The following CHCHD3 variants were observed in gnomAD, a reference collection of about 807,000 sequenced individuals.
CHCHD3 encodes the protein MICOS complex subunit MIC19.
Under a neutral mutation model 38.2 loss-of-function variants are expected in CHCHD3, and 20 were observed. The ratio of observed to expected loss-of-function variants is 0.52; its 90% CI spans 0.37 to 0.76. The LOEUF is 0.76. Ranked by LOEUF, CHCHD3 falls within the 30% of genes least tolerant of loss-of-function variation. CHCHD3 has a pLI of 0.00. For missense variants in CHCHD3, 245 were observed against 279.2 expected (o/e 0.88, Z 0.87); for synonymous variants, 82 against 100.0 (o/e 0.82, Z 1.07).
intron 4 of CHCHD3, among the ~76,000 whole-genome samples, chr7:132,960,081 G>C (rs1395273882): frequency 6.6e-6 from 1 of 152,144 alleles, no homozygotes; most frequent in Admixed American, 6.5e-5. Context: ...ATTGACGGAG[G>C]CTTTTTCACT....
chr7:132,978,477 AG>A (rs1472186044), intron 3 of CHCHD3, among the ~76,000 whole-genome samples: 6 of 152,186 alleles, frequency 3.9e-5, no homozygotes, highest in Non-Finnish European at 7.3e-5. Context: ...TACTTATAAA[AG>A]TGCCTGCCAC....
At chr7:132,947,738 C>G (rs560037066) in intron 4 of CHCHD3, among the ~76,000 whole-genome samples, 7 of 151,760 alleles carry the variant, frequency 4.6e-5, no homozygotes, top group African/African-American at 1.7e-4. Context: ...TAGATGATGA[C>G]TATGTTTAAA....
At position 132,885,656 on chromosome 7, in the gene CHCHD3, T is replaced by C. The variant is rs1310413040; in HGVS notation, c.453+6A>G. ...TAATAGAATCAATGATAAAAAATAG[T>C]CATACCCTCTCCTCCAGTCTAGCCA... On this transcript the variant is annotated splice_donor_region_variant and intron_variant, in intron 5 of 7. Transcript: ENST00000262570. 6.3e-7 allele frequency: 1 copy of C among 1,595,546 alleles called. No individual in the cohort carries two copies. The highest frequency in any genetic ancestry group is 2.3e-5 in the East Asian group (1 of 44,012).
At chr7:132,973,038 T>A in intron 4 of CHCHD3, 5 of 985,378 alleles carry the variant, frequency 5.1e-6, no homozygotes, top group Non-Finnish European at 6.0e-6. Flanking sequence ...ACTTTCACAT[T>A]TTTTTGTGAA....
intron 4 of CHCHD3, among the ~76,000 whole-genome samples, chr7:132,922,599 T>A (rs571369544): frequency 1.3e-5 from 2 of 152,202 alleles, no homozygotes; most frequent in South Asian, 4.2e-4. Context: ...CAGATACTAC[T>A]GATAAACTTT....
rs1403802549 is a variant in CHCHD3, at chr7:133,038,677, T to C, written c.170-14050A>G. ...AGCTGAGGTTAAGCTAAGTCAGATA[T>C]AAGGAATGAAAGGTAACCCGGATAG... On this transcript the variant is annotated intron_variant, in intron 2 of 7. Coordinates refer to ENST00000262570, the MANE Select transcript of CHCHD3 (RefSeq NM_017812.4). Among the ~76,000 whole-genome samples, 6 of 152,178 alleles carry C rather than the reference T, an allele frequency of 3.9e-5. 1 individual carries two copies. The Middle Eastern group carries it at 9.5e-3, about 241-fold the overall frequency.
intron 2 of CHCHD3, among the ~76,000 whole-genome samples, chr7:133,045,233 C>T (rs1348067335): frequency 1.3e-5 from 2 of 152,166 alleles, no homozygotes; most frequent in East Asian, 3.9e-4. Context: ...GAAGCAACTA[C>T]AATACACTTA....
chr7:133,026,214 G>A (rs1813333043), intron 2 of CHCHD3, among the ~76,000 whole-genome samples: 3 of 152,128 alleles, frequency 2.0e-5, no homozygotes, highest in African/African-American at 7.2e-5. Flanking sequence ...CAATTAAAAT[G>A]GGCAAAGGCT....
At chr7:132,940,150 C>T (rs1023019576) in intron 4 of CHCHD3, among the ~76,000 whole-genome samples, 4 of 152,158 alleles carry the variant, frequency 2.6e-5, no homozygotes, top group African/African-American at 7.2e-5. Context: ...TTAGTCACAG[C>T]TACTCAGATG....
At chr7:133,004,054 G>T (rs990291117) in intron 3 of CHCHD3, among the ~76,000 whole-genome samples, 1 of 151,944 alleles carries the variant, frequency 6.6e-6, no homozygotes, top group Admixed American at 6.6e-5. Flanking sequence ...GCCGTGGAGC[G>T]ATTCTCCTGC....
At chr7:132,852,413 A>G (rs1449806762) in intron 5 of CHCHD3, among the ~76,000 whole-genome samples, 1 of 152,164 alleles carries the variant, frequency 6.6e-6, no homozygotes, top group Non-Finnish European at 1.5e-5. Context: ...TACAGTGTCA[A>G]TGCCATGGGA....
intron 4 of CHCHD3, among the ~76,000 whole-genome samples, chr7:132,890,096 C>A (rs76424359): frequency 0.022 from 3,302 of 152,182 alleles, 89 homozygotes; most frequent in South Asian, 0.12. Context: ...AAATGTGACA[C>A]AATGTACTTA....
intron 5 of CHCHD3, among the ~76,000 whole-genome samples, chr7:132,883,716 T>C (rs563246499): frequency 6.6e-6 from 1 of 152,326 alleles, no homozygotes; most frequent in South Asian, 2.1e-4. Flanking sequence ...CCAAATGTGG[T>C]GTGCAAAGCC....
intron 2 of CHCHD3, among the ~76,000 whole-genome samples, chr7:133,045,411 T>C (rs1296252955): frequency 1.3e-5 from 2 of 152,160 alleles, no homozygotes; most frequent in Admixed American, 6.5e-5. Flanking sequence ...TCATCACTAA[T>C]GGAGAACTGA....
intron 2 of CHCHD3, among the ~76,000 whole-genome samples, chr7:133,031,563 C>G (rs1330573014): frequency 6.6e-6 from 1 of 152,038 alleles, no homozygotes; most frequent in African/African-American, 2.4e-5. Flanking sequence ...CTTAAACAAT[C>G]TCTTTAAGTT....
chr7:132,821,384 C>G (rs996199073), intron 6 of CHCHD3, among the ~76,000 whole-genome samples: 1 of 152,098 alleles, frequency 6.6e-6, no homozygotes, highest in East Asian at 1.9e-4. Context: ...AATAGGTCTA[C>G]TGAATGATGT....
intron 3 of CHCHD3, among the ~76,000 whole-genome samples, chr7:132,982,947 T>C (rs1003439453): frequency 2.6e-5 from 4 of 152,230 alleles, no homozygotes; most frequent in Admixed American, 6.5e-5. Context: ...ATTTTTAAAG[T>C]ATGTCATGAA....
chr7:133,044,982 T>C (rs1001426284), intron 2 of CHCHD3, among the ~76,000 whole-genome samples: 1 of 152,226 alleles, frequency 6.6e-6, no homozygotes, highest in Non-Finnish European at 1.5e-5. Context: ...TAGGGGAGCA[T>C]GGCAACCCTG....
At chr7:133,042,738 C>A (rs1584667064) in intron 2 of CHCHD3, among the ~76,000 whole-genome samples, 1 of 152,190 alleles carries the variant, frequency 6.6e-6, no homozygotes, top group Non-Finnish European at 1.5e-5. Context: ...TCTTAAGAAA[C>A]CTTTGGTAAT....
Sources: gnomAD v4.1 joint callset for allele counts (sites outside exome capture counted in the v4.1 genomes callset) on GRCh38, gnomAD v4.1.1 for gene constraint, MANE v1.5 for transcripts, NCBI Gene and HGNC (gene_info 2026-07-23, HGNC 2026-07-21) for gene names.